Variants in TRIO observed in about 807,000 individuals in gnomAD.
The protein encoded by TRIO is trio Rho guanine nucleotide exchange factor.
A neutral mutation model predicts 351.9 loss-of-function variants in TRIO; 58 were observed. The ratio of observed to expected loss-of-function variants is 0.16; its 90% CI spans 0.13 to 0.21. The LOEUF is 0.21. Among genes scored for constraint, TRIO ranks in the 10% least tolerant of loss-of-function variants. The pLI is 1.00. For missense variants in TRIO, 3,201 were observed against 4,027.8 expected (o/e 0.79, Z 5.56); for synonymous variants, 1,758 against 1,595.7 (o/e 1.10, Z -2.42).
At chr5:14,316,394 G>A (rs535813413) in intron 8 of TRIO, 119 bp from the exon 9 acceptor site, 1 of 949,880 alleles carries the variant, frequency 1.1e-6, no homozygotes, top group Non-Finnish European at 1.6e-6. Context: ...TGTGTGTAAT[G>A]TGTGTACATG....
chr5:14,255,394 T>C (rs149439440), intron 1 of TRIO, among the ~76,000 whole-genome samples: 1 of 152,354 alleles, frequency 6.6e-6, no homozygotes, highest in Admixed American at 6.5e-5. Context: ...AAATGTTCAC[T>C]TACAAGATTG....
intron 1 of TRIO, among the ~76,000 whole-genome samples, chr5:14,236,366 A>G (rs1232151496): frequency 6.6e-6 from 1 of 152,220 alleles, no homozygotes; most frequent in Non-Finnish European, 1.5e-5. Flanking sequence ...ACAGTAAACT[A>G]CTTGCCATAC....
chr5:14,388,478 T>C, intron 23 of TRIO, 135 bp from the exon 24 acceptor site: 1 of 836,928 alleles, frequency 1.2e-6, no homozygotes, highest in Non-Finnish European at 1.9e-6. Context: ...GTTCTATTTG[T>C]GATTCACCTC....
intron 1 of TRIO, among the ~76,000 whole-genome samples, chr5:14,230,897 G>A (rs2152221447): frequency 6.6e-6 from 1 of 152,316 alleles, no homozygotes; most frequent in South Asian, 2.1e-4. Flanking sequence ...GGAAAGTGAT[G>A]GAGTTATGGC....
intron 13 of TRIO, among the ~76,000 whole-genome samples, chr5:14,363,147 T>C (rs1293633208): frequency 6.6e-6 from 1 of 151,976 alleles, no homozygotes; most frequent in East Asian, 1.9e-4. Context: ...TACAGGCACA[T>C]GCCACCACGC....
intron 2 of TRIO, among the ~76,000 whole-genome samples, chr5:14,279,354 T>TG (rs1324807737): frequency 6.8e-6 from 1 of 147,886 alleles, no homozygotes; most frequent in Non-Finnish European, 1.5e-5. Flanking sequence ...AAGAATCTTC[T>TG]GGGTTTTTTT....
intron 35 of TRIO, 35 bp downstream of exon 35, chr5:14,461,346 C>A: frequency 1.3e-6 from 2 of 1,485,654 alleles, no homozygotes; most frequent in Admixed American, 2.3e-5. Flanking sequence ...GCCGGCGTGG[C>A]GGGGCCCGCT....
At chr5:14,367,456 C>T (rs375551301) in intron 16 of TRIO, among the ~76,000 whole-genome samples, 1 of 152,196 alleles carries the variant, frequency 6.6e-6, no homozygotes, top group African/African-American at 2.4e-5. Context: ...AGTCAGTAAA[C>T]GATGCCGACA....
chr5:14,458,323 G>A (rs575869384), intron 34 of TRIO, among the ~76,000 whole-genome samples: 11 of 152,300 alleles, frequency 7.2e-5, no homozygotes, highest in Admixed American at 1.3e-4. Flanking sequence ...AGCCCTGGAA[G>A]TACCTCAGGT....
chr5:14,496,769 T>A (rs1282267335), intron 49 of TRIO, 110 bp from the exon 50 acceptor site: 1 of 1,389,146 alleles, frequency 7.2e-7, no homozygotes, highest in East Asian at 2.4e-5. Context: ...GGATTTCCCA[T>A]CCCCCTGCAC....
rs539113025 is a variant in TRIO, at chr5:14,173,501, C to T, written c.157+29619C>T. The stretch of plus-strand genomic sequence containing the variant: ...TGCTGGGATTACAGGTGTGAGTCAC[C>T]GCGCCTGGCCTGGTAATGTTCTTAA... On this transcript the variant is annotated intron_variant, in intron 1 of 56. Coordinates refer to ENST00000344204, the MANE Select transcript of TRIO (RefSeq NM_007118.4). 1.2e-3 allele frequency among the ~76,000 whole-genome samples: 180 copies of T among 152,196 alleles called. 1 individual carries two copies. The highest frequency in any genetic ancestry group is 3.4e-3 in the Middle Eastern group (1 of 294).
At chr5:14,272,695 CA>C (rs1796046811) in intron 2 of TRIO, among the ~76,000 whole-genome samples, 1 of 152,144 alleles carries the variant, frequency 6.6e-6, no homozygotes, top group African/African-American at 2.4e-5. Flanking sequence ...GCAGTCTTAG[CA>C]AAATGACGTT....
At chr5:14,441,538 T>TG (rs1161251159) in intron 34 of TRIO, among the ~76,000 whole-genome samples, 8 of 151,864 alleles carry the variant, frequency 5.3e-5, no homozygotes, top group Non-Finnish European at 1.0e-4. Context: ...AGATGGTTTA[T>TG]GGGGGGGCCA....
intron 9 of TRIO, among the ~76,000 whole-genome samples, chr5:14,325,269 C>A (rs1035002793): frequency 6.6e-6 from 1 of 152,084 alleles, no homozygotes; most frequent in South Asian, 2.1e-4. Context: ...TAAAGGAATA[C>A]CTGAGTCTGG....
chr5:14,206,521 A>C (rs1791469202), intron 1 of TRIO, among the ~76,000 whole-genome samples: 1 of 152,096 alleles, frequency 6.6e-6, no homozygotes, highest in Non-Finnish European at 1.5e-5. Context: ...GTTTAACTCA[A>C]CCTCTTTCTC....
chr5:14,498,818 G>A, intron 53 of TRIO, 178 bp downstream of exon 53: 1 of 935,386 alleles, frequency 1.1e-6, no homozygotes, highest in Non-Finnish European at 1.6e-6. Flanking sequence ...GGATGTCACA[G>A]GAGAGTGACC....
intron 27 of TRIO, among the ~76,000 whole-genome samples, chr5:14,392,011 T>C (rs888215836): frequency 2.6e-5 from 4 of 152,224 alleles, no homozygotes; most frequent in Non-Finnish European, 5.9e-5. Context: ...AGCACCTGTA[T>C]ATGGAGTTAG....
chr5:14,259,254 A>G (rs1280089152), intron 1 of TRIO, among the ~76,000 whole-genome samples: 1 of 152,202 alleles, frequency 6.6e-6, no homozygotes, highest in African/African-American at 2.4e-5. Context: ...CTGTGTCAAA[A>G]TTTGTTTTCC....
intron 1 of TRIO, among the ~76,000 whole-genome samples, chr5:14,209,972 C>T (rs1044144811): frequency 6.6e-6 from 1 of 152,150 alleles, no homozygotes; most frequent in Non-Finnish European, 1.5e-5. Context: ...TGCTGAGCTC[C>T]CTGTGTGCGG....
Sources: gnomAD v4.1 joint callset for allele counts (sites outside exome capture counted in the v4.1 genomes callset) on GRCh38, gnomAD v4.1.1 for gene constraint, MANE v1.5 for transcripts, NCBI Gene and HGNC (gene_info 2026-07-23, HGNC 2026-07-21) for gene names.